Variants in BACE1 observed in about 807,000 individuals in gnomAD.
BACE1 encodes the protein APP beta-secretase.
In BACE1, 21 loss-of-function variants were observed where a neutral mutation model predicts 54.0. That is an observed-to-expected ratio of 0.39 (90% CI 0.28 to 0.56). The LOEUF is 0.56. BACE1 is among the 20% of genes least tolerant of loss of function. The probability of loss-of-function intolerance (pLI) is 0.63; values close to 1 mark genes in which losing one functional copy is unlikely to be tolerated. For missense variants in BACE1, 511 were observed against 661.2 expected (o/e 0.77, Z 2.49); for synonymous variants, 232 against 260.9 (o/e 0.89, Z 1.07).
Position 117,315,299 on chromosome 11 carries a change from C to T in BACE1, c.261+236G>A, listed in dbSNP as rs1262552326. 6.6e-6 allele frequency among the ~76,000 whole-genome samples: 1 copy of T among 152,126 alleles called. No homozygotes were observed. Among genetic ancestry groups the T allele is most frequent in the African/African-American group, 2.4e-5 (1 of 41,408 alleles). On this transcript the variant is annotated intron_variant, in intron 1 of 8. Transcript: ENST00000313005. This position sits in a 1 kb window ranked among gnomAD's most constrained non-coding sequence, Gnocchi z 5.5. ...TCTTGCCTCAAATCCTTCCAGACGG[C>T]GTATGTGTCAGATGAGGAGCAAGGG...
At chr11:117,307,567 C>T (rs1197388043) in intron 1 of BACE1, among the ~76,000 whole-genome samples, 1 of 152,204 alleles carries the variant, frequency 6.6e-6, no homozygotes, top group Admixed American at 6.5e-5. Context: ...CTGCCTCGGC[C>T]TCCCAAAGTG....
chr11:117,295,913 T>G (rs1034283111), intron 2 of BACE1, among the ~76,000 whole-genome samples: 2 of 152,204 alleles, frequency 1.3e-5, no homozygotes, highest in African/African-American at 4.8e-5. Context: ...CACCTGTGTT[T>G]AATCACACCA....
At chr11:117,294,194 T>C (rs1430404084) in intron 3 of BACE1, 186 bp from the exon 4 acceptor site, 3 of 514,588 alleles carry the variant, frequency 5.8e-6, no homozygotes, top group Non-Finnish European at 1.0e-5. Flanking sequence ...CAGGACAGTA[T>C]TGATAGGTTC....
rs1379625634 is a variant in BACE1, at chr11:117,294,015, C to G, written c.568-7G>C. On this transcript the variant is annotated splice_polypyrimidine_tract_variant and splice_region_variant and intron_variant, in intron 3 of 8. Coordinates refer to ENST00000313005, the MANE Select transcript of BACE1 (RefSeq NM_012104.6). ...GCTCCAGGGAGTCGTCAGGCTTTGG[C>G]AGAAAGAGACAAGGAGTGAGTCCTC... The G allele has an allele frequency of 1.9e-6, 3 of 1,612,238 alleles. No homozygotes were observed. Among genetic ancestry groups the G allele is most frequent in the East Asian group, 2.2e-5 (1 of 44,736 alleles).
chr11:117,306,889 G>A (rs2134485450), intron 1 of BACE1, among the ~76,000 whole-genome samples: 1 of 152,308 alleles, frequency 6.6e-6, no homozygotes, highest in Non-Finnish European at 1.5e-5. Flanking sequence ...CCAGCCTACA[G>A]TGCGCAGCAG....
intron 1 of BACE1, among the ~76,000 whole-genome samples, chr11:117,311,376 C>G (rs2134495429): frequency 6.6e-6 from 1 of 152,256 alleles, no homozygotes; most frequent in Admixed American, 6.5e-5. Flanking sequence ...CCATCCCCTC[C>G]TGCCACCTTT....
chr11:117,291,158 A>G lies in BACE1; in HGVS notation c.943-109T>C, dbSNP rs2034419417. On this transcript the variant is annotated intron_variant, in intron 6 of 8. Transcript: ENST00000313005. ...CCTTCATTTGCTTTTCCAGTGAAAT[A>G]TCTAAAGTGGGGAGGGGTAAACCAA... The G allele has an allele frequency of 3.6e-6, 5 of 1,391,348 alleles. No individual in the cohort carries two copies. In the South Asian group the frequency reaches 5.4e-5, roughly 15 times the overall value. 86.2% of individuals were successfully genotyped at this position (1,391,348 alleles called of 1,614,324 possible).
chr11:117,306,039 A>T (rs1420401124), intron 1 of BACE1, among the ~76,000 whole-genome samples: 4 of 152,142 alleles, frequency 2.6e-5, no homozygotes, highest in African/African-American at 9.7e-5. Flanking sequence ...CCGTCTCAAA[A>T]ATAAATAAAT....
chr11:117,306,576 G>C (rs762641987), intron 1 of BACE1, among the ~76,000 whole-genome samples: 10 of 152,182 alleles, frequency 6.6e-5, no homozygotes, highest in Non-Finnish European at 1.5e-4. Flanking sequence ...GGGAGGCTGA[G>C]GTGGGCGGAT....
chr11:117,307,222 C>G (rs1396309251), intron 1 of BACE1, among the ~76,000 whole-genome samples: 6 of 152,168 alleles, frequency 3.9e-5, no homozygotes, highest in Admixed American at 3.3e-4. Context: ...CAGAACTCTC[C>G]CCTGCCCAGG....
chr11:117,312,060 C>CT (rs781187102), intron 1 of BACE1, among the ~76,000 whole-genome samples: 8 of 152,234 alleles, frequency 5.3e-5, no homozygotes, highest in Non-Finnish European at 1.0e-4. Context: ...ACCTTATAGT[C>CT]TCACATTTAA....
At chr11:117,299,631 T>C in intron 1 of BACE1, 1 of 387,346 alleles carries the variant, frequency 2.6e-6, no homozygotes, top group Non-Finnish European at 5.1e-6. Context: ...TTCCCCTCCC[T>C]GCCCCTCTTC....
At chr11:117,297,326 A>C (rs539271774) in intron 1 of BACE1, 82 of 203,742 alleles carry the variant, frequency 4.0e-4, no homozygotes, top group African/African-American at 1.9e-3. Flanking sequence ...TTACAGAAAG[A>C]ATGGGAGCTT....
In BACE1 at chr11:117,316,214, G is replaced by A. The variant is rs1345878050; in HGVS notation, c.-419C>T. The A allele has an allele frequency of 1.2e-5, 5 of 434,182 alleles. No homozygotes were observed. The highest frequency in any genetic ancestry group is 4.3e-5 in the Admixed American group (1 of 23,072). The allele number at this position is 434,182 out of a possible 1,614,324, so 26.9% of individuals were successfully genotyped here. A position where few individuals can be genotyped will look rare whatever the true frequency, so the allele number is the denominator to read the frequency against. The stretch of plus-strand genomic sequence containing the variant: ...CTCAGGCCACCATAATCCAGCTCGC[G>A]GCTCGCAGCTCCCGGGCGGGCTGGG... On this transcript the variant is annotated 5_prime_UTR_variant, in exon 1 of 9. Transcript: ENST00000313005.
At position 117,316,054 on chromosome 11, in the gene BACE1, G is replaced by C. The variant is rs1364090482; in HGVS notation, c.-259C>G. On this transcript the variant is annotated 5_prime_UTR_variant, in exon 1 of 9. Coordinates refer to ENST00000313005, the MANE Select transcript of BACE1 (RefSeq NM_012104.6). ...ACATCGGCACGGCGGCGGCCAGCCT[G>C]GGCAGCGGGCGCGGGCTCCCGGCGG... 2.5e-6 allele frequency: 1 copy of C among 399,310 alleles called. No homozygotes were observed. The highest frequency in any genetic ancestry group is 4.4e-5 in the Admixed American group (1 of 22,528). 24.7% of individuals were successfully genotyped at this position (399,310 alleles called of 1,614,324 possible).
At chr11:117,311,609 C>G (rs1292137715) in intron 1 of BACE1, among the ~76,000 whole-genome samples, 1 of 152,160 alleles carries the variant, frequency 6.6e-6, no homozygotes, top group Non-Finnish European at 1.5e-5. Flanking sequence ...GTGACAGCCC[C>G]CTGTGCCTGT....
intron 1 of BACE1, among the ~76,000 whole-genome samples, chr11:117,307,072 A>G (rs757231941): frequency 3.9e-5 from 6 of 152,150 alleles, no homozygotes; most frequent in Non-Finnish European, 7.4e-5. Context: ...TCCCCAGCAC[A>G]GCCCAGCTCT....
chr11:117,299,411 G>A (rs2034672711), intron 1 of BACE1, among the ~76,000 whole-genome samples: 1 of 151,902 alleles, frequency 6.6e-6, no homozygotes, highest in Non-Finnish European at 1.5e-5. Context: ...TGCTTCTCTG[G>A]ACTTCAGTTT....
In BACE1 at chr11:117,309,032, A is replaced by G. The variant is rs145638165; in HGVS notation, c.261+6503T>C. Among the ~76,000 whole-genome samples, 49 of 152,316 alleles carry G rather than the reference A, an allele frequency of 3.2e-4. No individual in the cohort carries two copies. In the East Asian group the frequency reaches 7.3e-3, roughly 23 times the overall value. ...GCTTTGTTCCCTGACAAAAAGTCAG[A>G]GAGGTTAAATAAAGCCATCATCTCC... On this transcript the variant is annotated intron_variant, in intron 1 of 8. Coordinates refer to ENST00000313005, the MANE Select transcript of BACE1 (RefSeq NM_012104.6).
Sources: allele counts gnomAD v4.1 joint callset (sites outside exome capture counted in the v4.1 genomes callset), GRCh38; gene constraint gnomAD v4.1.1; non-coding constraint Gnocchi (gnomAD v3.1); transcripts MANE v1.5; gene names NCBI Gene and HGNC (gene_info 2026-07-23, HGNC 2026-07-21).